The following PLCB4 variants were observed in gnomAD, a reference collection of about 807,000 sequenced individuals.
PLCB4 encodes the protein 1-phosphatidylinositol 4,5-bisphosphate phosphodiesterase beta-4.
PLCB4 carries 77 observed loss-of-function variants against 178.8 expected under a neutral mutation model. That is an observed-to-expected ratio of 0.43 (90% confidence interval 0.36 to 0.52). The LOEUF is 0.52. Ranked by LOEUF, PLCB4 falls within the 20% of genes least tolerant of loss-of-function variation. The pLI is 0.00. For synonymous variants in PLCB4, 496 were observed against 490.8 expected, an observed-to-expected ratio of 1.01 and a Z score of -0.14; for missense variants, 1,024 against 1,453.4, an observed-to-expected ratio of 0.70 and a Z score of 4.80.
intron 1 of PLCB4, among the ~76,000 whole-genome samples, chr20:9,077,584 C>T (rs2089932257): frequency 6.6e-6 from 1 of 152,158 alleles, no homozygotes; most frequent in African/African-American, 2.4e-5. Context: ...ACAAATTGAT[C>T]AGTTAAGGGG....
intron 2 of PLCB4, among the ~76,000 whole-genome samples, chr20:9,183,155 C>T (rs1461857559): frequency 4.6e-5 from 7 of 152,114 alleles, no homozygotes; most frequent in Non-Finnish European, 1.0e-4. Flanking sequence ...AACTCTCCAG[C>T]CCAAGTCCCT....
chr20:9,212,256 A>T (rs888793641), intron 2 of PLCB4, among the ~76,000 whole-genome samples: 3 of 152,232 alleles, frequency 2.0e-5, no homozygotes, highest in Non-Finnish European at 4.4e-5. Flanking sequence ...AATCTCACTG[A>T]CACAACTGCT....
chr20:9,078,018 A>G (rs2089953908), intron 1 of PLCB4, among the ~76,000 whole-genome samples: 1 of 152,050 alleles, frequency 6.6e-6, no homozygotes, highest in Non-Finnish European at 1.5e-5. Context: ...GTCTTGCTCC[A>G]TTGCTCAGGC....
chr20:9,349,982 A>G (rs768324993), intron 7 of PLCB4, among the ~76,000 whole-genome samples: 3 of 152,172 alleles, frequency 2.0e-5, no homozygotes, highest in Non-Finnish European at 4.4e-5. Context: ...CTTGTATTAC[A>G]TGAGACTTTG....
intron 3 of PLCB4, among the ~76,000 whole-genome samples, chr20:9,267,843 G>T (rs989821635): frequency 6.6e-6 from 1 of 152,130 alleles, no homozygotes; most frequent in Admixed American, 6.6e-5. Flanking sequence ...TGGAGTAATG[G>T]GTTAGCATGG....
chr20:9,150,329 TC>T (rs1434821653), intron 2 of PLCB4, among the ~76,000 whole-genome samples: 2 of 152,190 alleles, frequency 1.3e-5, no homozygotes, highest in African/African-American at 4.8e-5. Context: ...TTGACTGATT[TC>T]TTCTCCATAA....
At chr20:9,078,177 C>T (rs1203893777) in intron 1 of PLCB4, among the ~76,000 whole-genome samples, 4 of 152,058 alleles carry the variant, frequency 2.6e-5, no homozygotes, top group African/African-American at 9.6e-5. Flanking sequence ...GACAGGGTCT[C>T]GCTATGTTGT....
chr20:9,387,930 G>A (rs1404366221), intron 15 of PLCB4, among the ~76,000 whole-genome samples: 5 of 152,222 alleles, frequency 3.3e-5, no homozygotes, highest in African/African-American at 1.2e-4. Context: ...AAAATAGATT[G>A]TAAATAGGGC....
chr20:9,260,200 A>G (rs1468480627), intron 3 of PLCB4, among the ~76,000 whole-genome samples: 1 of 152,166 alleles, frequency 6.6e-6, no homozygotes. Context: ...CATGAGGAAT[A>G]CTATGACAAC....
At position 9,337,341 on chromosome 20, in the gene PLCB4, A is replaced by G. The variant is rs1049335879; in HGVS notation, c.165+135A>G. 1.1e-5 allele frequency: 7 copies of G among 664,152 alleles called. No homozygotes were observed. In the African/African-American group the frequency reaches 1.1e-4, roughly 10 times the overall value. The allele number at this position is 664,152 out of a possible 1,614,324, so 41.1% of individuals were successfully genotyped here. ...TCAAGATTTTTAAAAATGTGCCTAC[A>G]TGTGCCAGGCATTGAAGTATACAGT... On this transcript the variant is annotated intron_variant, in intron 5 of 39. Coordinates refer to ENST00000378473, the MANE Select transcript of PLCB4 (RefSeq NM_001377142.1).
chr20:9,312,386 A>C, intron 4 of PLCB4, among the ~76,000 whole-genome samples: 1 of 146,574 alleles, frequency 6.8e-6, no homozygotes, highest in Non-Finnish European at 1.5e-5. Flanking sequence ...ACACACACAC[A>C]CACACACACA....
intron 2 of PLCB4, among the ~76,000 whole-genome samples, chr20:9,192,869 A>T (rs537447635): frequency 5.3e-5 from 8 of 152,246 alleles, no homozygotes; most frequent in South Asian, 2.1e-4. Flanking sequence ...GAGCCTTTAT[A>T]TGCTATAGCT....
At chr20:9,126,895 A>G (rs553429889) in intron 2 of PLCB4, among the ~76,000 whole-genome samples, 1 of 151,654 alleles carries the variant, frequency 6.6e-6, no homozygotes, top group Admixed American at 6.6e-5. Context: ...TTTCTATTCC[A>G]GCAAAATAAA....
chr20:9,253,323 G>T (rs1433783704), intron 3 of PLCB4, among the ~76,000 whole-genome samples: 1 of 152,060 alleles, frequency 6.6e-6, no homozygotes, highest in Non-Finnish European at 1.5e-5. Flanking sequence ...TCACTCACTG[G>T]CTAACTCCTT....
At chr20:9,352,808 G>A (rs1424695140) in intron 7 of PLCB4, among the ~76,000 whole-genome samples, 1 of 152,258 alleles carries the variant, frequency 6.6e-6, no homozygotes, top group South Asian at 2.1e-4. Flanking sequence ...GTCTAGGAAT[G>A]TATAAATATT....
intron 1 of PLCB4, among the ~76,000 whole-genome samples, chr20:9,074,649 GC>G (rs1212572017): frequency 1.1e-4 from 16 of 152,088 alleles, no homozygotes; most frequent in Non-Finnish European, 2.1e-4. Flanking sequence ...CTTTGGACTT[GC>G]CAAGCCCAGT....
intron 30 of PLCB4, among the ~76,000 whole-genome samples, chr20:9,442,007 G>A (rs2148666322): frequency 6.6e-6 from 1 of 152,002 alleles, no homozygotes; most frequent in East Asian, 1.9e-4. Flanking sequence ...TATTGTTAAG[G>A]AACTATGCTG....
intron 13 of PLCB4, among the ~76,000 whole-genome samples, chr20:9,381,475 T>C (rs2037136758): frequency 6.6e-6 from 1 of 152,348 alleles, no homozygotes; most frequent in Admixed American, 6.5e-5. Flanking sequence ...TCCCCAGCCT[T>C]GAAGGCAGTT....
chr20:9,222,486 G>A (rs2093812239), intron 3 of PLCB4, among the ~76,000 whole-genome samples: 1 of 152,122 alleles, frequency 6.6e-6, no homozygotes, highest in South Asian at 2.1e-4. Context: ...GAAATATTAC[G>A]TGAACAACAT....
Sources: allele counts gnomAD v4.1 joint callset (sites outside exome capture counted in the v4.1 genomes callset), GRCh38; gene constraint gnomAD v4.1.1; transcripts MANE v1.5; gene names NCBI Gene and HGNC (gene_info 2026-07-23, HGNC 2026-07-21).